Variants in CHCHD3 observed in about 807,000 individuals in gnomAD.
CHCHD3 encodes the protein MICOS complex subunit MIC19.
In CHCHD3, 20 loss-of-function variants were observed where a neutral mutation model predicts 38.2. The observed-to-expected ratio is 0.52, with a 90% CI of 0.37 to 0.76. CHCHD3 has a LOEUF of 0.76. CHCHD3 is among the 30% of genes least tolerant of loss of function. The probability of loss-of-function intolerance (pLI) is 0.00; values close to 1 mark genes in which losing one functional copy is unlikely to be tolerated. For missense variants in CHCHD3, 245 were observed against 279.2 expected (o/e 0.88, Z 0.87); for synonymous variants, 82 against 100.0 (o/e 0.82, Z 1.07).
intron 4 of CHCHD3, among the ~76,000 whole-genome samples, chr7:132,886,124 A>T (rs1406204649): frequency 6.6e-6 from 1 of 152,168 alleles, no homozygotes; most frequent in Non-Finnish European, 1.5e-5. Context: ...TGAACAAAAA[A>T]GTAATGCCTA....
rs566396514 is a variant in CHCHD3 at position 132,855,348 on chromosome 7, T to C, written c.454-16879A>G. Among the ~76,000 whole-genome samples the C allele has an allele frequency of 3.9e-5, 6 of 152,326 alleles. No homozygotes were observed. The South Asian group carries it at 8.3e-4, about 21-fold the overall frequency. On this transcript the variant is annotated intron_variant, in intron 5 of 7. Transcript: ENST00000262570. ...TACACATATCTGAAGTTTAATTTCT[T>C]TTCATCAATTTTAGCACAAACTGAG...
At chr7:133,075,209 C>T (rs1196561032) in intron 1 of CHCHD3, among the ~76,000 whole-genome samples, 1 of 152,176 alleles carries the variant, frequency 6.6e-6, no homozygotes, top group Non-Finnish European at 1.5e-5. Context: ...GTCAAATTCT[C>T]ACATCAATTC....
At chr7:133,045,224 A>T (rs1813950042) in intron 2 of CHCHD3, among the ~76,000 whole-genome samples, 1 of 152,210 alleles carries the variant, frequency 6.6e-6, no homozygotes, top group Non-Finnish European at 1.5e-5. Context: ...GTAAGGATGG[A>T]AGCAACTACA....
chr7:133,007,235 A>C (rs1047717732), intron 3 of CHCHD3, among the ~76,000 whole-genome samples: 1 of 152,180 alleles, frequency 6.6e-6, no homozygotes, highest in African/African-American at 2.4e-5. Flanking sequence ...AGGCTAATAA[A>C]GAATTGACAA....
In CHCHD3 at chr7:133,035,604, A is replaced by G; in HGVS notation, c.170-10977T>C. The G allele has an allele frequency of 6.2e-7, 1 of 1,612,710 alleles. No homozygotes were observed. The highest frequency in any genetic ancestry group is 8.5e-7 in the Non-Finnish European group (1 of 1,179,134). ...CACCCAGGTACTGGCTGGGGGCACTATATCGGAATCAGCAAAGCTCACCCA... is the reference window on the plus strand; with the variant it reads ...CACCCAGGTACTGGCTGGGGGCACTGTATCGGAATCAGCAAAGCTCACCCA... On this transcript the variant is annotated intron_variant, in intron 2 of 7. Coordinates refer to ENST00000262570, the MANE Select transcript of CHCHD3 (RefSeq NM_017812.4). This position sits in a 1 kb window ranked among gnomAD's most constrained non-coding sequence, Gnocchi z 4.7.
chr7:132,796,610 T>A, intron 6 of CHCHD3, 33 bp from the exon 7 acceptor site: 8 of 1,598,666 alleles, frequency 5.0e-6, no homozygotes, highest in Non-Finnish European at 6.9e-6. Flanking sequence ...CTGAGACCAA[T>A]GGTCTTCATT....
intron 1 of CHCHD3, among the ~76,000 whole-genome samples, chr7:133,078,144 TA>T (rs1213727265): frequency 2.6e-5 from 4 of 151,994 alleles, no homozygotes; most frequent in African/African-American, 9.7e-5. Context: ...CCCCCTCTAC[TA>T]AACATACAAA....
At chr7:132,974,035 A>G in intron 4 of CHCHD3, 2 of 1,281,640 alleles carry the variant, frequency 1.6e-6, no homozygotes, top group Non-Finnish European at 2.0e-6. Flanking sequence ...CTATCAAATA[A>G]CAATAAGAAA....
intron 4 of CHCHD3, among the ~76,000 whole-genome samples, chr7:132,959,421 T>C (rs1053991094): frequency 6.6e-6 from 1 of 152,044 alleles, no homozygotes; most frequent in African/African-American, 2.4e-5. Flanking sequence ...TAGCAGACAT[T>C]AATAGAAATG....
At chr7:132,959,031 C>T (rs1585675268) in intron 4 of CHCHD3, among the ~76,000 whole-genome samples, 1 of 152,306 alleles carries the variant, frequency 6.6e-6, no homozygotes, top group East Asian at 1.9e-4. Context: ...AGCACACTTG[C>T]CCTTAATTCT....
intron 2 of CHCHD3, among the ~76,000 whole-genome samples, chr7:133,050,945 G>A (rs1002543251): frequency 7.9e-5 from 12 of 152,146 alleles, no homozygotes; most frequent in African/African-American, 2.7e-4. Context: ...GAACCCAGGA[G>A]GCAGAGACTG....
rs191746651 is a variant in CHCHD3 at position 132,850,010 on chromosome 7, G to C, written c.454-11541C>G. ...TGATAGACAGGGTGAAAGTAATCAG[G>C]AATAGACCTCTGTAAGCCCTAAGAT... On this transcript the variant is annotated intron_variant, in intron 5 of 7. Transcript: ENST00000262570. Among the ~76,000 whole-genome samples the C allele has an allele frequency of 3.9e-5, 6 of 152,292 alleles. No individual in the cohort carries two copies. In the East Asian group the frequency reaches 1.2e-3, roughly 29 times the overall value.
At chr7:132,906,445 G>A (rs1380214354) in intron 4 of CHCHD3, among the ~76,000 whole-genome samples, 1 of 152,124 alleles carries the variant, frequency 6.6e-6, no homozygotes, top group Non-Finnish European at 1.5e-5. Flanking sequence ...CCTGAAAGAT[G>A]AGCATTGAGT....
chr7:132,912,202 G>A (rs1809970092), intron 4 of CHCHD3, among the ~76,000 whole-genome samples: 1 of 152,086 alleles, frequency 6.6e-6, no homozygotes, highest in South Asian at 2.1e-4. Context: ...TTCAAAAGTT[G>A]AATAATTATG....
chr7:132,946,083 T>C (rs1337496194), intron 4 of CHCHD3, among the ~76,000 whole-genome samples: 1 of 151,940 alleles, frequency 6.6e-6, no homozygotes, highest in Non-Finnish European at 1.5e-5. Flanking sequence ...ATCATACTGA[T>C]GATTACTATA....
At chr7:132,958,441 G>C (rs1467844669) in intron 4 of CHCHD3, among the ~76,000 whole-genome samples, 5 of 151,932 alleles carry the variant, frequency 3.3e-5, no homozygotes, top group Non-Finnish European at 5.9e-5. Flanking sequence ...AGAAAAAAAA[G>C]GAAAAGAAAA....
At chr7:132,880,379 T>C (rs1809020777) in intron 5 of CHCHD3, among the ~76,000 whole-genome samples, 1 of 152,198 alleles carries the variant, frequency 6.6e-6, no homozygotes, top group Non-Finnish European at 1.5e-5. Flanking sequence ...GCTCAGTAAA[T>C]GTTATCATCA....
intron 3 of CHCHD3, among the ~76,000 whole-genome samples, chr7:133,021,053 A>C (rs1401023834): frequency 2.0e-5 from 3 of 152,136 alleles, no homozygotes; most frequent in African/African-American, 4.8e-5. Flanking sequence ...AGATGCCAAT[A>C]ACATTTGACA....
chr7:133,033,882 G>A (rs1584659714), intron 2 of CHCHD3, among the ~76,000 whole-genome samples: 1 of 151,908 alleles, frequency 6.6e-6, no homozygotes, highest in Non-Finnish European at 1.5e-5. Flanking sequence ...GAGGGATGAG[G>A]GCTCCATTAT....
Sources: allele counts gnomAD v4.1 joint callset (sites outside exome capture counted in the v4.1 genomes callset), GRCh38; gene constraint gnomAD v4.1.1; non-coding constraint Gnocchi (gnomAD v3.1); transcripts MANE v1.5; gene names NCBI Gene and HGNC (gene_info 2026-07-23, HGNC 2026-07-21).